GRIK2: variants seen among roughly 807,000 people sequenced by gnomAD.
GRIK2 encodes the protein glutamate receptor ionotropic, kainate 2.
GRIK2 carries 32 observed loss-of-function variants against 100.3 expected under a neutral mutation model. The ratio of observed to expected loss-of-function variants is 0.32; its 90% CI spans 0.24 to 0.43. GRIK2 has a LOEUF of 0.43. Among genes scored for constraint, GRIK2 ranks in the 20% least tolerant of loss-of-function variants. GRIK2 has a pLI of 1.00. For synonymous variants in GRIK2, 417 were observed against 389.4 expected (o/e 1.07, Z -0.83); for missense variants, 843 against 1,114.9 (o/e 0.76, Z 3.47).
At chr6:101,453,701 A>G (rs1475943433) in intron 2 of GRIK2, among the ~76,000 whole-genome samples, 1 of 152,030 alleles carries the variant, frequency 6.6e-6, no homozygotes, top group Non-Finnish European at 1.5e-5. Context: ...TTTTCTTGAA[A>G]TGTCAATTGG....
chr6:101,775,733 C>G (rs1179969876), intron 7 of GRIK2, among the ~76,000 whole-genome samples: 1 of 150,966 alleles, frequency 6.6e-6, no homozygotes, highest in African/African-American at 2.4e-5. Flanking sequence ...TGTGAAGATA[C>G]AGATTTCTTC....
intron 11 of GRIK2, among the ~76,000 whole-genome samples, chr6:101,883,733 T>C (rs1323156200): frequency 6.6e-6 from 1 of 152,058 alleles, no homozygotes; most frequent in Non-Finnish European, 1.5e-5. Flanking sequence ...GGACGAGCTT[T>C]CCAGGGAGAG....
intron 16 of GRIK2, among the ~76,000 whole-genome samples, chr6:102,058,087 T>TG (rs934591497): frequency 3.3e-5 from 5 of 151,826 alleles, no homozygotes; most frequent in African/African-American, 9.7e-5. Context: ...TATCTCCTTT[T>TG]GAGAAAGCTG....
At chr6:101,813,351 C>T (rs1245145996) in intron 9 of GRIK2, among the ~76,000 whole-genome samples, 1 of 152,026 alleles carries the variant, frequency 6.6e-6, no homozygotes, top group Non-Finnish European at 1.5e-5. Flanking sequence ...TATAATAGGT[C>T]TTCATTTAGC....
intron 2 of GRIK2, among the ~76,000 whole-genome samples, chr6:101,404,297 C>T (rs1213629148): frequency 1.3e-5 from 2 of 152,166 alleles, no homozygotes; most frequent in Non-Finnish European, 2.9e-5. Context: ...ATAGATCAAA[C>T]GATGATGTAT....
chr6:101,513,699 C>G (rs554324959), intron 2 of GRIK2, among the ~76,000 whole-genome samples: 29 of 152,052 alleles, frequency 1.9e-4, no homozygotes, highest in Non-Finnish European at 8.8e-5. Flanking sequence ...CCATGACTCC[C>G]CAGACACCTT....
At chr6:101,932,982 A>G (rs1790381993) in intron 14 of GRIK2, among the ~76,000 whole-genome samples, 2 of 151,878 alleles carry the variant, frequency 1.3e-5, no homozygotes, top group African/African-American at 4.8e-5. Flanking sequence ...GAATCTACTT[A>G]TACTGTAAAA....
At position 101,898,451 on chromosome 6, in the gene GRIK2, G is replaced by A. The variant is rs1003031936; in HGVS notation, c.1748+8588G>A. On this transcript the variant is annotated intron_variant, in intron 12 of 16. Coordinates refer to ENST00000369134, the MANE Select transcript of GRIK2 (RefSeq NM_021956.5). ...TTTTTACTACATGTTAGTAGTATAC[G>A]GTTTTACAGTAACAGATAATTCCTT... is the stretch of plus-strand genomic sequence containing the variant. Among the ~76,000 whole-genome samples, 6 of 150,846 alleles carry A rather than the reference G, an allele frequency of 4.0e-5. No individual in the cohort carries two copies. In the South Asian group the frequency reaches 8.3e-4, roughly 21 times the overall value.
intron 12 of GRIK2, among the ~76,000 whole-genome samples, chr6:101,890,636 T>G (rs1582467286): frequency 6.6e-6 from 1 of 152,138 alleles, no homozygotes; most frequent in East Asian, 1.9e-4. Flanking sequence ...ATAGTGGCCT[T>G]TAAAATCTGT....
intron 2 of GRIK2, among the ~76,000 whole-genome samples, chr6:101,400,791 C>CCA (rs1031341477): frequency 6.6e-6 from 1 of 152,110 alleles, no homozygotes; most frequent in African/African-American, 2.4e-5. Flanking sequence ...ACATAGATGC[C>CCA]CACAGTCAAA....
intron 2 of GRIK2, among the ~76,000 whole-genome samples, chr6:101,610,418 T>C (rs892691993): frequency 6.6e-6 from 1 of 151,948 alleles, no homozygotes; most frequent in East Asian, 1.9e-4. Context: ...AAACTCATGA[T>C]ATCTAAATCA....
At chr6:101,476,253 G>GT (rs1327152313) in intron 2 of GRIK2, among the ~76,000 whole-genome samples, 2 of 152,058 alleles carry the variant, frequency 1.3e-5, no homozygotes, top group African/African-American at 4.8e-5. Flanking sequence ...CTATGTGGCT[G>GT]TATTGTCTTC....
rs1275314282 is a variant in GRIK2, at chr6:102,069,669, G to A, written c.*1158G>A. On this transcript the variant is annotated 3_prime_UTR_variant, in exon 17 of 17. Transcript: ENST00000369134. ...AATGTTCAGGTTTATTTGTGGAAAT[G>A]CAAGATTTCTATGAAAATAGTTTTT... 1 of 151,910 alleles carries A rather than the reference G, an allele frequency of 6.6e-6. No homozygotes were observed. The highest frequency in any genetic ancestry group is 1.5e-5 in the Non-Finnish European group (1 of 67,948). The allele number at this position is 151,910 out of a possible 1,614,324, so 9.4% of individuals were successfully genotyped here.
chr6:101,405,219 G>A (rs1037775278), intron 2 of GRIK2, among the ~76,000 whole-genome samples: 3 of 152,080 alleles, frequency 2.0e-5, no homozygotes, highest in African/African-American at 4.8e-5. Context: ...CCCTTTAAAA[G>A]ACTCATTAAT....
At chr6:101,622,864 C>T (rs768538536) in intron 3 of GRIK2, among the ~76,000 whole-genome samples, 1 of 151,870 alleles carries the variant, frequency 6.6e-6, no homozygotes, top group Non-Finnish European at 1.5e-5. Flanking sequence ...TTATTTTAAC[C>T]AGACAGCTGT....
intron 14 of GRIK2, among the ~76,000 whole-genome samples, chr6:101,997,517 C>T (rs1370000929): frequency 6.6e-6 from 1 of 151,908 alleles, no homozygotes; most frequent in Non-Finnish European, 1.5e-5. Flanking sequence ...TATACAGTAC[C>T]TGCTCATCAC....
At chr6:102,030,907 G>A (rs9498809) in intron 14 of GRIK2, among the ~76,000 whole-genome samples, 13,831 of 150,886 alleles carry the variant, frequency 0.092, 2,136 homozygotes, top group African/African-American at 0.32. Flanking sequence ...CCATTTGAAT[G>A]TTCCTCATGG....
At chr6:101,516,236 A>C (rs758151529) in intron 2 of GRIK2, among the ~76,000 whole-genome samples, 2 of 152,110 alleles carry the variant, frequency 1.3e-5, no homozygotes, top group Admixed American at 6.6e-5. Flanking sequence ...AGAAAAAACA[A>C]TTCTAAAATT....
chr6:101,885,726 A>T (rs1277499407), intron 11 of GRIK2, among the ~76,000 whole-genome samples: 1 of 152,170 alleles, frequency 6.6e-6, no homozygotes, highest in African/African-American at 2.4e-5. Flanking sequence ...TGGTAAAAAC[A>T]ACATATTGTT....
Sources: allele counts gnomAD v4.1 joint callset (sites outside exome capture counted in the v4.1 genomes callset), GRCh38; gene constraint gnomAD v4.1.1; transcripts MANE v1.5; gene names NCBI Gene and HGNC (gene_info 2026-07-23, HGNC 2026-07-21).